The following CFAP70 variants were observed in gnomAD, a reference collection of about 807,000 sequenced individuals.
CFAP70 encodes the protein cilia and flagella associated protein 70.
In CFAP70, 81 loss-of-function variants were observed where a neutral mutation model predicts 137.6. The observed-to-expected ratio is 0.59, with a 90% CI of 0.49 to 0.71. The LOEUF (loss-of-function observed/expected upper bound fraction) is 0.71. Ranked by LOEUF, CFAP70 falls within the 30% of genes least tolerant of loss-of-function variation. The pLI is 0.00. For missense variants in CFAP70, 976 were observed against 1,226.7 expected (o/e 0.80, Z 3.05); for synonymous variants, 382 against 423.6 (o/e 0.90, Z 1.20).
intron 3 of CFAP70, among the ~76,000 whole-genome samples, chr10:73,351,398 G>A (rs549154315): frequency 7.3e-5 from 11 of 151,084 alleles, no homozygotes; most frequent in African/African-American, 1.5e-4. Flanking sequence ...GATTACAGGC[G>A]TGAGCCACTG....
intron 8 of CFAP70, among the ~76,000 whole-genome samples, chr10:73,327,295 T>A (rs1020351038): frequency 3.2e-4 from 49 of 150,942 alleles, no homozygotes; most frequent in African/African-American, 1.2e-3. Context: ...CAACCCTTCA[T>A]GCTAAAAACT....
intron 10 of CFAP70, among the ~76,000 whole-genome samples, chr10:73,312,132 G>T (rs1216681334): frequency 6.6e-6 from 1 of 152,174 alleles, no homozygotes; most frequent in Non-Finnish European, 1.5e-5. Context: ...TCACTCATAA[G>T]TGGGAGTTGA....
In CFAP70 at chr10:73,348,419, T is replaced by C. The variant is rs745888179; in HGVS notation, c.349+4A>G. On this transcript the variant is annotated splice_donor_region_variant and intron_variant, in intron 4 of 26. Transcript: ENST00000310715. ...TCTGCTTTTGGGCAAAGCACACATC[T>C]GACCTTCCAGTAAGGGAAGAAGGTC... 49 of 1,601,744 alleles carry C rather than the reference T, an allele frequency of 3.1e-5. No homozygotes were observed. Among genetic ancestry groups the C allele is most frequent in the African/African-American group, 4.0e-5 (3 of 74,492 alleles).
At chr10:73,253,873 A>C (rs1028471644) in exon 27 of CFAP70, 1 of 886,572 alleles carries the variant, frequency 1.1e-6, no homozygotes, top group Non-Finnish European at 1.7e-6. Context: ...GTTTATAGTG[A>C]AGATTCTTTC....
intron 25 of CFAP70, among the ~76,000 whole-genome samples, chr10:73,265,101 G>A (rs1234266472): frequency 2.6e-5 from 4 of 152,066 alleles, no homozygotes; most frequent in Non-Finnish European, 5.9e-5. Flanking sequence ...CGAGATGGGC[G>A]GATCACGAGG....
intron 1 of CFAP70, 131 bp from the exon 2 acceptor site, chr10:73,354,966 C>T: frequency 1.6e-6 from 1 of 610,094 alleles, no homozygotes; most frequent in Non-Finnish European, 2.9e-6. Context: ...TCCCCATATC[C>T]AACCTTTGCT....
chr10:73,339,527 TG>T (rs1422929439), intron 6 of CFAP70, among the ~76,000 whole-genome samples: 1 of 152,190 alleles, frequency 6.6e-6, no homozygotes, highest in Non-Finnish European at 1.5e-5. Flanking sequence ...CCACTTGGCC[TG>T]GCAGGCTATG....
At chr10:73,256,249 TA>T in intron 26 of CFAP70, 119 bp downstream of exon 27, 1 of 1,140,902 alleles carries the variant, frequency 8.8e-7, no homozygotes, top group Non-Finnish European at 1.3e-6. Flanking sequence ...GCAAAGATGG[TA>T]AGAAAAGCCT....
At chr10:73,357,266 G>A (rs1167099619) in intron 1 of CFAP70, among the ~76,000 whole-genome samples, 1 of 152,174 alleles carries the variant, frequency 6.6e-6, no homozygotes, top group Non-Finnish European at 1.5e-5. Flanking sequence ...GAGCTTCAGA[G>A]AAGTTTGTTA....
At chr10:73,335,933 G>T (rs767280420) in intron 6 of CFAP70, among the ~76,000 whole-genome samples, 1 of 146,476 alleles carries the variant, frequency 6.8e-6, no homozygotes, top group Non-Finnish European at 1.5e-5. Flanking sequence ...TTGAGGCCAG[G>T]AGTTCAAGAC....
At chr10:73,270,783 A>G (rs887831092) in intron 24 of CFAP70, among the ~76,000 whole-genome samples, 2 of 151,112 alleles carry the variant, frequency 1.3e-5, no homozygotes, top group Non-Finnish European at 2.9e-5. Flanking sequence ...TGATCTGCCC[A>G]CCTTGGCCTC....
intron 25 of CFAP70, among the ~76,000 whole-genome samples, chr10:73,256,927 GA>G (rs1305412487): frequency 6.3e-5 from 9 of 142,012 alleles, no homozygotes; most frequent in African/African-American, 2.1e-4. Context: ...AAAAAAAAAG[GA>G]AAAAAAATTC....
chr10:73,349,644 A>AGCAT (rs1243741377), intron 3 of CFAP70, among the ~76,000 whole-genome samples: 1 of 152,198 alleles, frequency 6.6e-6, no homozygotes, highest in Non-Finnish European at 1.5e-5. Flanking sequence ...GTAATCCTGT[A>AGCAT]GCATGCAGAG....
At chr10:73,351,625 G>A (rs948916906) in intron 3 of CFAP70, among the ~76,000 whole-genome samples, 2 of 152,048 alleles carry the variant, frequency 1.3e-5, no homozygotes, top group African/African-American at 4.8e-5. Flanking sequence ...TAGAGACGGG[G>A]TTTTGCCATC....
chr10:73,284,782 A>C (rs1208837876), intron 19 of CFAP70, among the ~76,000 whole-genome samples: 12 of 54,360 alleles, frequency 2.2e-4, no homozygotes, highest in African/African-American at 9.6e-4. Flanking sequence ...ATATATATAT[A>C]TATATATATA....
chr10:73,355,781 A>C lies in CFAP70; in HGVS notation c.-39-946T>G, dbSNP rs530244278. ...CAAAAGAGTGACTCCGTCTCAAAAC[A>C]AAAAAATTTCATTATATATTACCGT... On this transcript the variant is annotated intron_variant, in intron 1 of 26. Transcript: ENST00000310715. Among the ~76,000 whole-genome samples the C allele has an allele frequency of 2.6e-4, 39 of 152,334 alleles. No individual in the cohort carries two copies. In the East Asian group the frequency reaches 6.0e-3, roughly 23 times the overall value.
chr10:73,301,024 G>A (rs2048910782), intron 12 of CFAP70, among the ~76,000 whole-genome samples: 1 of 152,140 alleles, frequency 6.6e-6, no homozygotes, highest in Non-Finnish European at 1.5e-5. Flanking sequence ...AAACAAACAA[G>A]ATAAATATGC....
At chr10:73,336,929 A>G (rs2052725659) in intron 6 of CFAP70, among the ~76,000 whole-genome samples, 1 of 152,124 alleles carries the variant, frequency 6.6e-6, no homozygotes, top group Non-Finnish European at 1.5e-5. Flanking sequence ...TATATAATTA[A>G]TAAGTATATT....
At chr10:73,255,070 C>A (rs1285777236) in intron 26 of CFAP70, among the ~76,000 whole-genome samples, 2 of 152,092 alleles carry the variant, frequency 1.3e-5, no homozygotes, top group African/African-American at 4.8e-5. Context: ...TGAGACCAGC[C>A]TGGCCAACAT....
Sources: allele counts gnomAD v4.1 joint callset (sites outside exome capture counted in the v4.1 genomes callset), GRCh38; gene constraint gnomAD v4.1.1; transcripts MANE v1.5; gene names NCBI Gene and HGNC (gene_info 2026-07-23, HGNC 2026-07-21).